ZNF611: variants seen among roughly 807,000 people sequenced by gnomAD.
The protein encoded by ZNF611 is zinc finger protein 611.
A neutral mutation model predicts 8.9 loss-of-function variants in ZNF611; 6 were observed. The observed-to-expected ratio is 0.68, with a 90% CI of 0.37 to 1.34. The LOEUF is 1.34. Among genes scored for constraint, ZNF611 ranks in the 40% most tolerant of loss-of-function variants. The pLI, the probability that ZNF611 is intolerant of heterozygous loss-of-function variation, is 0.02. For missense variants in ZNF611, 874 were observed against 841.3 expected (o/e 1.04, Z -0.48); for synonymous variants, 262 against 279.7 (o/e 0.94, Z 0.63).
chr19:52,719,604 C>T (rs954797715), intron 3 of ZNF611, among the ~76,000 whole-genome samples: 4 of 152,260 alleles, frequency 2.6e-5, no homozygotes, highest in South Asian at 2.1e-4. Flanking sequence ...ATCAACTCAC[C>T]GCTCATCTGC....
Position 52,705,997 on chromosome 19 carries a change from T to A in ZNF611, c.1058A>T (p.Asn353Ile), listed in dbSNP as rs568577586. 6.2e-7 allele frequency: 1 copy of A among 1,614,052 alleles called. No individual in the cohort carries two copies. Among genetic ancestry groups the A allele is most frequent in the African/African-American group, 1.3e-5 (1 of 75,008 alleles). ...YKCNECDKAF[N>I]QQSQLSHHRI... ...ATGATGTGAAAGTTGTGATTGTTGATTAAAAGCCTTGTCACATTCATTACA... is the reference window on the plus strand; with the variant it reads ...ATGATGTGAAAGTTGTGATTGTTGAATAAAAGCCTTGTCACATTCATTACA... Residue 353 changes from asparagine (N) to isoleucine (I), a missense_variant, in exon 6 of 6, where the codon AAT becomes ATT. Physicochemically the swap from Asn to Ile is moderately radical, Grantham distance 149 (BLOSUM62 -3). Coordinates refer to ENST00000652185, the MANE Select transcript of ZNF611 (RefSeq NM_001161499.2).
chr19:52,713,322 T>A (rs189691289), intron 5 of ZNF611, among the ~76,000 whole-genome samples: 2 of 152,292 alleles, frequency 1.3e-5, no homozygotes, highest in East Asian at 3.9e-4. Flanking sequence ...CTCAATAAGA[T>A]TGATGAAAAC....
chr19:52,705,959 C>T lies in ZNF611; in HGVS notation c.1096G>A (p.Gly366Arg). Reference protein sequence around the residue: ...SQLSHHRIHTGEKPYKCEECD... With the variant: ...SQLSHHRIHTREKPYKCEECD... ...TCTTCACATTTGTAAGGTTTCTCTC[C>T]AGTATGAATTCTATGATGTGAAAGT... The change falls in exon 6 of 6, where the codon GGA (glycine) becomes AGA (arginine). Residue 366 changes from glycine (G) to arginine (R), a missense_variant. Transcript: ENST00000652185. The T allele has an allele frequency of 6.2e-7, 1 of 1,614,088 alleles. No homozygotes were observed. The highest frequency in any genetic ancestry group is 8.5e-7 in the Non-Finnish European group (1 of 1,180,004).
intron 3 of ZNF611, chr19:52,723,463 T>G (rs2062373080): frequency 6.6e-6 from 1 of 151,376 alleles, no homozygotes. Context: ...TCCATGTTGG[T>G]CAGGCTGCTC....
chr19:52,711,751 C>G (rs16983966), intron 5 of ZNF611, among the ~76,000 whole-genome samples: 167 of 151,652 alleles, frequency 1.1e-3, no homozygotes, highest in African/African-American at 3.2e-3. Context: ...ACAAGGTCTT[C>G]ACTTACTCAG....
chr19:52,726,416 C>T (rs1365934466), intron 3 of ZNF611, among the ~76,000 whole-genome samples: 1 of 152,010 alleles, frequency 6.6e-6, no homozygotes, highest in Admixed American at 6.6e-5. Context: ...CTTTTCTTTC[C>T]TTTTTATTTA....
Position 52,706,794 on chromosome 19 carries a change from T to C in ZNF611, c.261A>G (p.Thr87=). ...TGQGNTEVIH[T]GTLQRHESHH... ...GACTTTCATGTCTTTGCAATGTCCC[T>C]GTGTGGATCACTTCTGTATTGCCTT... The change falls in exon 6 of 6, where the codon ACA becomes ACG. Residue 87 remains threonine, a synonymous_variant. Coordinates refer to ENST00000652185, the MANE Select transcript of ZNF611 (RefSeq NM_001161499.2). 1 of 1,613,938 alleles carries C rather than the reference T, an allele frequency of 6.2e-7. No homozygotes were observed. The highest frequency in any genetic ancestry group is 8.5e-7 in the Non-Finnish European group (1 of 1,179,950).
In ZNF611 at chr19:52,706,153, G is replaced by A. The variant is rs756062509; in HGVS notation, c.902C>T (p.Ser301Phe). 5 of 1,614,050 alleles carry A rather than the reference G, an allele frequency of 3.1e-6. No homozygotes were observed. In the Admixed American group the frequency reaches 5.0e-5, roughly 16 times the overall value. ...ECGKTFSQES[S>F]LTCHRRLHTG... ...ATGAAGTCTACGATGGCAGGTAAGG[G>A]ATGACTCCTGACTGAAGGTCTTGCC... is the stretch of plus-strand genomic sequence containing the variant. The change falls in exon 6 of 6, where the codon TCC (serine) becomes TTC (phenylalanine). Residue 301 changes from serine to phenylalanine, a missense_variant. Transcript: ENST00000652185.
At chr19:52,721,713 CAGAGGG>C (rs1314066736) in intron 3 of ZNF611, among the ~76,000 whole-genome samples, 47 of 141,614 alleles carry the variant, frequency 3.3e-4, no homozygotes, top group African/African-American at 1.4e-3. Context: ...GAGGCAGAGG[CAGAGGG>C]AGAGGGAGAG....
At chr19:52,723,239 A>C (rs1399223033) in intron 3 of ZNF611, among the ~76,000 whole-genome samples, 3 of 135,642 alleles carry the variant, frequency 2.2e-5, no homozygotes, top group Non-Finnish European at 3.1e-5. Flanking sequence ...CTCCATCCTC[A>C]CAACTTATTT....
intron 3 of ZNF611, among the ~76,000 whole-genome samples, chr19:52,726,031 G>A (rs1420782499): frequency 1.3e-5 from 2 of 152,266 alleles, no homozygotes; most frequent in Admixed American, 6.5e-5. Flanking sequence ...ACTAGAATGT[G>A]AAATGCAAAG....
chr19:52,722,442 T>C (rs1254938048), intron 3 of ZNF611, among the ~76,000 whole-genome samples: 1 of 152,158 alleles, frequency 6.6e-6, no homozygotes, highest in Non-Finnish European at 1.5e-5. Flanking sequence ...AAGTTGTTTT[T>C]TTCTTTTTCC....
In ZNF611 at chr19:52,704,289, A is replaced by C; in HGVS notation, c.*648T>G. 1 of 532,478 alleles carries C rather than the reference A, an allele frequency of 1.9e-6. No individual in the cohort carries two copies. Among genetic ancestry groups the C allele is most frequent in the Non-Finnish European group, 3.7e-6 (1 of 268,870 alleles). 33.0% of individuals were successfully genotyped at this position (532,478 alleles called of 1,614,324 possible). Reference sequence around the variant, plus strand: ...ATTGGGAACGGTTATCTCAAAAATGAATTTTCTGATGTTCTGCATGGAGTG... The same window carrying C: ...ATTGGGAACGGTTATCTCAAAAATGCATTTTCTGATGTTCTGCATGGAGTG... On this transcript the variant is annotated 3_prime_UTR_variant, in exon 6 of 6. Transcript: ENST00000652185.
At chr19:52,709,099 G>A (rs546650759) in intron 5 of ZNF611, among the ~76,000 whole-genome samples, 2 of 152,184 alleles carry the variant, frequency 1.3e-5, no homozygotes, top group East Asian at 3.9e-4. Context: ...TCCCTGGCCC[G>A]AATGTTCGCA....
At position 52,706,206 on chromosome 19, in the gene ZNF611, A is replaced by T. The variant is rs1162472683; in HGVS notation, c.849T>A (p.Val283=). The change falls in exon 6 of 6, where the codon GTT becomes GTA. Residue 283 remains valine, a synonymous_variant. Transcript: ENST00000652185. Reference sequence around the variant, plus strand: ...ACTCTTTACACTTGTAAGGTTTCTCAACAGTGTGACATCTATCATGGCATG... The same window carrying T: ...ACTCTTTACACTTGTAAGGTTTCTCTACAGTGTGACATCTATCATGGCATG... The part of the protein sequence containing the change: ...YLACHDRCHT[V]EKPYKCKECG... 1.2e-6 allele frequency: 2 copies of T among 1,614,106 alleles called. No homozygotes were observed. The highest frequency in any genetic ancestry group is 1.1e-5 in the South Asian group (1 of 91,080).
At chr19:52,714,423 C>T (rs1164925167) in intron 4 of ZNF611, among the ~76,000 whole-genome samples, 3 of 151,998 alleles carry the variant, frequency 2.0e-5, no homozygotes, top group Non-Finnish European at 2.9e-5. Flanking sequence ...CATGGCAGTT[C>T]ACGCTTGTAA....
chr19:52,730,814 C>A (rs531825800), intron 1 of ZNF611, among the ~76,000 whole-genome samples: 1 of 152,120 alleles, frequency 6.6e-6, no homozygotes, highest in Non-Finnish European at 1.5e-5. Context: ...GAACCACCTA[C>A]CTCAGGTGAT....
In ZNF611 at chr19:52,715,888, G is replaced by C. The variant is rs759669986; in HGVS notation, c.7C>G (p.Arg3Gly). The change falls in exon 4 of 6, where the codon CGT (arginine) becomes GGT (glycine). Residue 3 changes from arginine to glycine, a missense_variant. Physicochemically the swap from Arg to Gly is moderately radical, Grantham distance 125. Transcript: ENST00000652185. ...TTCCTCTTCTGAGCTGCTTCCTCAC[G>C]TAACATGAGTCTTTAGGAATCAATC... Reference protein sequence around the residue: MLREEAAQKRKGK... With the variant: MLGEEAAQKRKGK... 2 of 1,613,380 alleles carry C rather than the reference G, an allele frequency of 1.2e-6. No individual in the cohort carries two copies. The highest frequency in any genetic ancestry group is 8.5e-7 in the Non-Finnish European group (1 of 1,179,804).
intron 1 of ZNF611, among the ~76,000 whole-genome samples, 161 bp downstream of exon 1, chr19:52,734,840 A>G (rs769989443): frequency 2.6e-5 from 4 of 152,198 alleles, no homozygotes; most frequent in Non-Finnish European, 5.9e-5. Flanking sequence ...TTTAAACCCA[A>G]AAGGAAGCGA....
Sources: gnomAD v4.1 joint callset for allele counts (sites outside exome capture counted in the v4.1 genomes callset) on GRCh38, gnomAD v4.1.1 for gene constraint, MANE v1.5 for transcripts, NCBI Gene and HGNC (gene_info 2026-07-23, HGNC 2026-07-21) for gene names.